Variants in POLA1 observed in about 807,000 individuals in gnomAD.
The protein encoded by POLA1 is DNA polymerase alpha 1, catalytic subunit, also known as DNA polymerase alpha catalytic subunit.
Under a neutral mutation model 124.0 loss-of-function variants are expected in POLA1, and 15 were observed. The ratio of observed to expected loss-of-function variants is 0.12; its 90% CI spans 0.08 to 0.19. POLA1 has a LOEUF of 0.19. Among genes scored for constraint, POLA1 ranks in the 10% least tolerant of loss-of-function variants. The pLI, the probability that POLA1 is intolerant of heterozygous loss-of-function variation, is 1.00. For synonymous variants in POLA1, 408 were observed against 389.4 expected (o/e 1.05, Z -0.56); for missense variants, 886 against 1,103.4 (o/e 0.80, Z 2.79).
In POLA1 at chrX:24,910,391, T is replaced by G. The variant is rs757423381; in HGVS notation, c.4165-20062T>G. ...TGGCTGTGGGTTTGTCATAGATAGC[T>G]CTTATTATTTTGAGATATGTCCCAT... is the stretch of plus-strand genomic sequence containing the variant. On this transcript the variant is annotated intron_variant, in intron 35 of 36. Coordinates refer to ENST00000379068, the MANE Select transcript of POLA1 (RefSeq NM_001330360.2). Among the ~76,000 whole-genome samples the G allele has an allele frequency of 7.6e-3, 834 of 110,322 alleles. 11 individuals are homozygous for G. The highest frequency in any genetic ancestry group is 0.026 in the African/African-American group (790 of 30,326).
chrX:24,718,094 A>G (rs1929969438), intron 10 of POLA1, among the ~76,000 whole-genome samples: 1 of 111,811 alleles, frequency 8.9e-6, no homozygotes, highest in Non-Finnish European at 1.9e-5. Flanking sequence ...GTAGTTCACT[A>G]TTGATGTGTC....
chrX:24,904,431 T>G (rs868747963), intron 35 of POLA1, among the ~76,000 whole-genome samples: 2 of 108,964 alleles, frequency 1.8e-5, no homozygotes, highest in Middle Eastern at 4.7e-3. Context: ...TTTTGTTTTT[T>G]TTTTTTTTCT....
intron 26 of POLA1, among the ~76,000 whole-genome samples, chrX:24,754,166 A>G (rs1932468226): frequency 8.9e-6 from 1 of 111,928 alleles, no homozygotes; most frequent in Non-Finnish European, 1.9e-5. Context: ...GAAGAATTTT[A>G]CAATTAAATA....
intron 30 of POLA1, among the ~76,000 whole-genome samples, chrX:24,817,988 A>G (rs756272425): frequency 1.5e-3 from 151 of 100,945 alleles, no homozygotes; most frequent in Middle Eastern, 0.01. Flanking sequence ...TGAAAATGAC[A>G]GGTTAAATTA....
intron 36 of POLA1, among the ~76,000 whole-genome samples, chrX:24,941,459 C>T (rs1049678590): frequency 1.8e-5 from 2 of 112,175 alleles, no homozygotes; most frequent in Non-Finnish European, 3.8e-5. Flanking sequence ...GGGAATCAAC[C>T]GTAACTTTTG....
chrX:24,867,375 G>A (rs929766820), intron 34 of POLA1, among the ~76,000 whole-genome samples: 1 of 111,002 alleles, frequency 9.0e-6, no homozygotes, highest in Non-Finnish European at 1.9e-5. Flanking sequence ...AGAGTTACTC[G>A]GAAAGTTCTA....
intron 32 of POLA1, among the ~76,000 whole-genome samples, chrX:24,830,933 G>A (rs1346991631): frequency 1.8e-5 from 2 of 111,801 alleles, no homozygotes; most frequent in Non-Finnish European, 3.8e-5. Flanking sequence ...TAAAATTTCA[G>A]GCATTTGGCT....
intron 34 of POLA1, among the ~76,000 whole-genome samples, chrX:24,862,876 T>C (rs886713984): frequency 2.7e-5 from 3 of 112,203 alleles, no homozygotes; most frequent in Admixed American, 1.9e-4. Context: ...GTGCAAAATA[T>C]GGGTCTAATT....
intron 4 of POLA1, among the ~76,000 whole-genome samples, chrX:24,709,183 G>A (rs1217804262): frequency 8.4e-5 from 7 of 82,938 alleles, no homozygotes; most frequent in East Asian, 8.6e-4. Flanking sequence ...GCGGCTGGCC[G>A]GGCAGGGGGG....
chrX:24,988,858 C>T (rs1329994758), intron 36 of POLA1, among the ~76,000 whole-genome samples: 1 of 111,010 alleles, frequency 9.0e-6, no homozygotes, highest in Non-Finnish European at 1.9e-5. Flanking sequence ...CCTAGCTACT[C>T]GGGAGGATGA....
intron 36 of POLA1, among the ~76,000 whole-genome samples, chrX:24,977,293 AATTG>A (rs2048375330): frequency 8.9e-6 from 1 of 112,233 alleles, no homozygotes; most frequent in Non-Finnish European, 1.9e-5. Flanking sequence ...CCTCATACTT[AATTG>A]ATAGTTAGAT....
chrX:24,780,157 T>C (rs1308703462), intron 26 of POLA1, among the ~76,000 whole-genome samples: 1 of 112,293 alleles, frequency 8.9e-6, no homozygotes, highest in South Asian at 3.7e-4. Flanking sequence ...GTTTTCTTTT[T>C]CTTTTCATAT....
At chrX:24,778,218 T>G (rs1415604103) in intron 26 of POLA1, among the ~76,000 whole-genome samples, 1 of 111,609 alleles carries the variant, frequency 9.0e-6, no homozygotes, top group African/African-American at 3.3e-5. Flanking sequence ...GCTTGGCATC[T>G]AAGTTTTGGA....
intron 34 of POLA1, among the ~76,000 whole-genome samples, chrX:24,870,545 A>G (rs368057149): frequency 4.8e-4 from 54 of 112,047 alleles, no homozygotes; most frequent in African/African-American, 1.7e-3. Flanking sequence ...TAGTAAATTA[A>G]TGACCTACTC....
chrX:24,746,124 G>A (rs1400302985), intron 24 of POLA1, among the ~76,000 whole-genome samples: 3 of 110,701 alleles, frequency 2.7e-5, no homozygotes, highest in Admixed American at 9.6e-5. Flanking sequence ...AGTTCTCACC[G>A]CAAGCTTAGG....
At chrX:24,901,705 T>G (rs1385887148) in intron 35 of POLA1, among the ~76,000 whole-genome samples, 1 of 111,496 alleles carries the variant, frequency 9.0e-6, no homozygotes, top group Non-Finnish European at 1.9e-5. Context: ...TGATGCATTT[T>G]AAAGCTAAAA....
intron 16 of POLA1, 29 bp from the exon 17 acceptor site, chrX:24,733,726 G>T (rs1433386854): frequency 1.2e-6 from 1 of 862,559 alleles, no homozygotes; most frequent in South Asian, 2.4e-5. Context: ...GATGGGTGTT[G>T]GAATCTTTAT....
At chrX:24,880,061 G>C (rs982285612) in intron 34 of POLA1, among the ~76,000 whole-genome samples, 1 of 111,741 alleles carries the variant, frequency 8.9e-6, no homozygotes, top group African/African-American at 3.3e-5. Context: ...AGGCAAAGCA[G>C]ACCAAGTCGC....
chrX:24,709,189 G>A (rs1929093901), intron 4 of POLA1, among the ~76,000 whole-genome samples: 1 of 95,664 alleles, frequency 1.0e-5, no homozygotes, highest in African/African-American at 3.9e-5. Flanking sequence ...GGCCGGGCAG[G>A]GGGGCTGACC....
Sources: allele counts gnomAD v4.1 joint callset (sites outside exome capture counted in the v4.1 genomes callset), GRCh38; gene constraint gnomAD v4.1.1; transcripts MANE v1.5; gene names NCBI Gene and HGNC (gene_info 2026-07-23, HGNC 2026-07-21).